Variants in UBXN6 observed in about 807,000 individuals in gnomAD.
The protein encoded by UBXN6 is UBX domain protein 6.
UBXN6 carries 44 observed loss-of-function variants against 51.4 expected under a neutral mutation model. The ratio of observed to expected loss-of-function variants is 0.86; its 90% CI spans 0.67 to 1.10. The LOEUF is 1.10. Among genes scored for constraint, UBXN6 ranks in the 50% least tolerant of loss-of-function variants. The pLI is 0.00. For synonymous variants in UBXN6, 316 were observed against 263.2 expected (o/e 1.20, Z -1.94); for missense variants, 672 against 596.1 (o/e 1.13, Z -1.32).
At chr19:4,445,835 C>T (rs985792021) in intron 10 of UBXN6, 3 of 1,045,174 alleles carry the variant, frequency 2.9e-6, no homozygotes, top group Non-Finnish European at 4.0e-6. Context: ...CACGTCACCG[C>T]TCCCATTTGA....
chr19:4,453,325 T>C, intron 3 of UBXN6, 133 bp downstream of exon 3: 2 of 982,934 alleles, frequency 2.0e-6, no homozygotes, highest in Middle Eastern at 2.1e-4. Flanking sequence ...CACCACAACC[T>C]GTGTCCACCT....
intron 6 of UBXN6, 125 bp from the exon 7 acceptor site, chr19:4,447,045 G>T: frequency 1.1e-6 from 1 of 928,994 alleles, no homozygotes; most frequent in Non-Finnish European, 1.6e-6. Context: ...ATGGGGCCCA[G>T]CCCTGGGGGT....
rs1388247687 is a variant in UBXN6 at position 4,456,453 on chromosome 19, T to G, written c.83+1162A>C. The stretch of plus-strand genomic sequence containing the variant: ...CCCACTCCCTCACAATCCCTTCCAC[T>G]ATTGCTTACAGACCCGTGTCCTGGC... On this transcript the variant is annotated intron_variant, in intron 1 of 10. Transcript: ENST00000301281. Among the ~76,000 whole-genome samples the G allele has an allele frequency of 2.1e-5, 3 of 146,052 alleles. No homozygotes were observed. In the East Asian group the frequency reaches 6.1e-4, roughly 30 times the overall value.
chr19:4,446,924 G>C lies in UBXN6; in HGVS notation c.616-4C>G. On this transcript the variant is annotated splice_polypyrimidine_tract_variant and splice_region_variant and intron_variant, in intron 6 of 10. Transcript: ENST00000301281. ...CTTCCAGGCAGTTAATGCGCTCCTG[G>C]GGGTGGAGATGGGCGTCACTGGGGG... 6.2e-7 allele frequency: 1 copy of C among 1,613,664 alleles called. No homozygotes were observed. Among genetic ancestry groups the C allele is most frequent in the Non-Finnish European group, 8.5e-7 (1 of 1,179,904 alleles).
rs1434780975 is a variant in UBXN6 at position 4,448,374 on chromosome 19, G to C, written c.483C>G (p.Ile161Met). The C allele has an allele frequency of 1.1e-5, 17 of 1,610,534 alleles. No individual in the cohort carries two copies. The highest frequency in any genetic ancestry group is 1.3e-5 in the Non-Finnish European group (15 of 1,178,800). The change falls in exon 5 of 11, where the codon ATC (isoleucine) becomes ATG (methionine). Residue 161 changes from isoleucine to methionine, a missense_variant. Ile to Met is a conservative substitution (Grantham distance 10). Coordinates refer to ENST00000301281, the MANE Select transcript of UBXN6 (RefSeq NM_025241.3). ...GGTCCTGGTCTTTGTTGAACGTGTAGATCTTCATGATGGAGGCGGCCACTG... is the reference window on the plus strand; with the variant it reads ...GGTCCTGGTCTTTGTTGAACGTGTACATCTTCATGATGGAGGCGGCCACTG... ...TDPVAASIMK[I>M]YTFNKDQDRV...
chr19:4,453,450 G>C lies in UBXN6; in HGVS notation c.312+8C>G, dbSNP rs758546218. 3 of 1,612,816 alleles carry C rather than the reference G, an allele frequency of 1.9e-6. No individual in the cohort carries two copies. Among genetic ancestry groups the C allele is most frequent in the Admixed American group, 1.7e-5 (1 of 59,888 alleles). ...GCATGGGACAGTGCCACCAGTGGCT[G>C]TTCTTACCACGTTGGTCCCTGGGGC... is the stretch of plus-strand genomic sequence containing the variant. On this transcript the variant is annotated splice_region_variant and intron_variant, in intron 3 of 10. Transcript: ENST00000301281.
chr19:4,450,226 A>G (rs1255318995), intron 4 of UBXN6: 3 of 151,400 alleles, frequency 2.0e-5, no homozygotes, highest in Non-Finnish European at 2.9e-5. Context: ...TGTCTCAAAA[A>G]AAAAAAAAAA....
chr19:4,452,444 C>T lies in UBXN6; in HGVS notation c.361G>A (p.Val121Met), dbSNP rs200775962. The T allele has an allele frequency of 6.2e-5, 100 of 1,612,320 alleles. No individual in the cohort carries two copies. The highest frequency in any genetic ancestry group is 1.6e-4 in the South Asian group (15 of 90,950). Residue 121 changes from valine to methionine, a missense_variant, in exon 4 of 11, where the codon GTG becomes ATG. Val to Met is a conservative substitution (Grantham distance 21). Coordinates refer to ENST00000301281, the MANE Select transcript of UBXN6 (RefSeq NM_025241.3). ...EGSAHLAVPG[V>M]YFTCPLTGAT... ...CCAGTGAGCGGACAGGTGAAGTACA[C>T]GCCAGGCACAGCCAGGTGGGCAGAG...
In UBXN6 at chr19:4,448,401, G is replaced by A; in HGVS notation, c.456C>T (p.Asp152=). 6.3e-7 allele frequency: 1 copy of A among 1,580,648 alleles called. No homozygotes were observed. The highest frequency in any genetic ancestry group is 8.6e-7 in the Non-Finnish European group (1 of 1,164,968). The stretch of plus-strand genomic sequence containing the variant: ...TCTTCATGATGGAGGCGGCCACTGG[G>A]TCGGTGGAGAAGTGCTGGGAGGAGG... ...KEAILLHFST[D]PVAASIMKIY... The change falls in exon 5 of 11, where the codon GAC becomes GAT. Residue 152 remains aspartate, a synonymous_variant. Transcript: ENST00000301281.
intron 10 of UBXN6, 25 bp from the exon 11 acceptor site, chr19:4,445,648 C>G (rs1974494081): frequency 6.2e-7 from 1 of 1,603,518 alleles, no homozygotes; most frequent in Non-Finnish European, 8.5e-7. Flanking sequence ...GGCCGTCACT[C>G]TGAGACCGAG....
rs117885408 is a variant in UBXN6, at chr19:4,454,107, G to T, written c.84-14C>A. ...TGGGCCTTTTCCCTGGGAACAGACC[G>T]AGGGAGAGTGAGTGTATCCTCCCGA... On this transcript the variant is annotated splice_polypyrimidine_tract_variant and intron_variant, in intron 1 of 10. Transcript: ENST00000301281. 31,664 of 1,518,522 alleles carry T rather than the reference G, an allele frequency of 0.021. 421 individuals are homozygous for T. The highest frequency in any genetic ancestry group is 0.023 in the Non-Finnish European group (25,972 of 1,138,818). 94.1% of individuals were successfully genotyped at this position (1,518,522 alleles called of 1,614,324 possible).
At chr19:4,451,930 A>C (rs1399150556) in intron 4 of UBXN6, among the ~76,000 whole-genome samples, 1 of 151,960 alleles carries the variant, frequency 6.6e-6, no homozygotes. Flanking sequence ...CGGGTTGATC[A>C]CTTGAGGCAA....
At chr19:4,453,593 C>T in intron 2 of UBXN6, 71 bp from the exon 3 acceptor site, 2 of 1,568,978 alleles carry the variant, frequency 1.3e-6, no homozygotes, top group Non-Finnish European at 1.7e-6. Context: ...CCCAAGCCCC[C>T]TCATTCCCGG....
At chr19:4,445,797 A>C in intron 10 of UBXN6, 174 bp from the exon 11 acceptor site, 5 of 1,166,928 alleles carry the variant, frequency 4.3e-6, no homozygotes, top group Non-Finnish European at 5.9e-6. Context: ...TCCAGGACCT[A>C]AGCCTAAACC....
chr19:4,453,497 G>A lies in UBXN6; in HGVS notation c.273C>T (p.Ala91=). The A allele has an allele frequency of 1.9e-6, 3 of 1,613,858 alleles. No individual in the cohort carries two copies. The highest frequency in any genetic ancestry group is 1.3e-5 in the African/African-American group (1 of 75,072). Residue 91 remains alanine, a synonymous_variant, in exon 3 of 11, where the codon GCC becomes GCT. Coordinates refer to ENST00000301281, the MANE Select transcript of UBXN6 (RefSeq NM_025241.3). ...GGGCCTCGGGGCTCCCGCTGACGGTGGCTTCGGCTTGAAGTTCCTTTCTCA... is the reference window on the plus strand; with the variant it reads ...GGGCCTCGGGGCTCCCGCTGACGGTAGCTTCGGCTTGAAGTTCCTTTCTCA... The part of the protein sequence containing the change: ...NQVRKELQAE[A]TVSGSPEAPG...
intron 1 of UBXN6, among the ~76,000 whole-genome samples, chr19:4,455,652 C>T (rs1974730078): frequency 6.6e-6 from 1 of 152,130 alleles, no homozygotes; most frequent in Admixed American, 6.5e-5. Context: ...GCCTGTCTCC[C>T]CTGGGCTCCC....
rs543113445 is a variant in UBXN6 at position 4,457,234 on chromosome 19, C to T, written c.83+381G>A. 3.6e-4 allele frequency among the ~76,000 whole-genome samples: 55 copies of T among 151,440 alleles called. 1 individual carries two copies. Among genetic ancestry groups the T allele is most frequent in the Admixed American group, 3.1e-3 (47 of 15,262 alleles). On this transcript the variant is annotated intron_variant, in intron 1 of 10. Coordinates refer to ENST00000301281, the MANE Select transcript of UBXN6 (RefSeq NM_025241.3). ...CATGATCCCGTTTTTCCCCAAAGGT[C>T]GTTCCACTGACCCCCAACTGCCTAC...
At position 4,445,578 on chromosome 19, in the gene UBXN6, C is replaced by A; in HGVS notation, c.1246G>T (p.Glu416Ter). ...LTFSWDMAVLEDIKAAGAEPD... is the reference protein window; with the variant it reads ...LTFSWDMAVL ...TCGGCCCCCGCGGCCTTGATGTCCTCCAGCACAGCCATGTCCCACGAGAAG... is the reference window on the plus strand; with the variant it reads ...TCGGCCCCCGCGGCCTTGATGTCCTACAGCACAGCCATGTCCCACGAGAAG... Residue 416 changes from glutamate (E) to a stop codon, truncating the protein, a stop_gained, in exon 11 of 11, where the codon GAG (glutamate) becomes TAG (stop). Coordinates refer to ENST00000301281, the MANE Select transcript of UBXN6 (RefSeq NM_025241.3). LOFTEE classifies it high-confidence loss of function. The A allele has an allele frequency of 6.2e-7, 1 of 1,613,770 alleles. No individual in the cohort carries two copies. The highest frequency in any genetic ancestry group is 8.5e-7 in the Non-Finnish European group (1 of 1,179,998).
intron 3 of UBXN6, among the ~76,000 whole-genome samples, chr19:4,452,806 G>A (rs1342532502): frequency 1.3e-5 from 2 of 152,218 alleles, no homozygotes; most frequent in African/African-American, 4.8e-5. Flanking sequence ...CTGTCCCCAA[G>A]CTGTTGAGGA....
Sources: gnomAD v4.1 joint callset for allele counts (sites outside exome capture counted in the v4.1 genomes callset) on GRCh38, gnomAD v4.1.1 for gene constraint, MANE v1.5 for transcripts, NCBI Gene and HGNC (gene_info 2026-07-23, HGNC 2026-07-21) for gene names.